Variants in ADAMTS9 observed in about 807,000 individuals in gnomAD.
ADAMTS9 encodes ADAM metallopeptidase with thrombospondin type 1 motif 9.
ADAMTS9 carries 107 observed loss-of-function variants against 257.1 expected under a neutral mutation model. The ratio of observed to expected loss-of-function variants is 0.42; its 90% CI spans 0.36 to 0.49. The LOEUF (loss-of-function observed/expected upper bound fraction) is 0.49. Ranked by LOEUF, ADAMTS9 falls within the 20% of genes least tolerant of loss-of-function variation. The pLI is 0.03. For synonymous variants in ADAMTS9, 982 were observed against 880.9 expected, an observed-to-expected ratio of 1.11 and a Z score of -2.03; for missense variants, 2,353 against 2,469.1, an observed-to-expected ratio of 0.95 and a Z score of 1.00.
At chr3:64,651,405 G>A (rs1360239986) in intron 8 of ADAMTS9, among the ~76,000 whole-genome samples, 1 of 152,132 alleles carries the variant, frequency 6.6e-6, no homozygotes, top group African/African-American at 2.4e-5. Flanking sequence ...AAAGATGCAG[G>A]CTGGCCCATG....
chr3:64,517,416 G>GTTTTTTTTTTTTTTTTTTTTC (rs2082790130), intron 39 of ADAMTS9, among the ~76,000 whole-genome samples: 1 of 52,638 alleles, frequency 1.9e-5, no homozygotes, highest in African/African-American at 5.3e-5. Context: ...ATTAAAAATG[G>GTTTTTTTTTTTTTTTTTTTTC]TTTTTTTTTT....
chr3:64,522,321 G>T, intron 38 of ADAMTS9, 61 bp from the exon 39 acceptor site: 1 of 1,478,858 alleles, frequency 6.8e-7, no homozygotes, highest in Non-Finnish European at 9.4e-7. Context: ...GGCCTGCACT[G>T]GCTTTTTGGG....
At chr3:64,642,486 C>T (rs986816659) in intron 11 of ADAMTS9, among the ~76,000 whole-genome samples, 10 of 124,840 alleles carry the variant, frequency 8.0e-5, no homozygotes, top group African/African-American at 3.4e-4. Flanking sequence ...TAAACACACT[C>T]CAGGAAAGCG....
At chr3:64,650,018 CAA>C in intron 9 of ADAMTS9, 1 of 429,748 alleles carries the variant, frequency 2.3e-6, no homozygotes, top group Non-Finnish European at 4.1e-6. Flanking sequence ...ACACCTGTTA[CAA>C]CGTTGATCAC....
chr3:64,573,027 A>G (rs2083733568), intron 28 of ADAMTS9, among the ~76,000 whole-genome samples: 2 of 150,338 alleles, frequency 1.3e-5, no homozygotes, highest in African/African-American at 2.5e-5. Flanking sequence ...GCAGTGAGTC[A>G]AGATCCTCCA....
intron 32 of ADAMTS9, among the ~76,000 whole-genome samples, chr3:64,543,629 G>C (rs181094148): frequency 2.0e-5 from 3 of 152,228 alleles, no homozygotes; most frequent in East Asian, 3.9e-4. Context: ...AAAATAATAA[G>C]AGCTATATAT....
At chr3:64,626,466 C>G (rs1172702060) in intron 16 of ADAMTS9, among the ~76,000 whole-genome samples, 1 of 152,180 alleles carries the variant, frequency 6.6e-6, no homozygotes, top group Non-Finnish European at 1.5e-5. Flanking sequence ...TTTTGTTAGT[C>G]TGCATGAGCC....
In ADAMTS9 at chr3:64,551,032, A is replaced by C. The variant is rs2083264714; in HGVS notation, c.4729T>G (p.Tyr1577Asp). 1 of 1,614,146 alleles carries C rather than the reference A, an allele frequency of 6.2e-7. No homozygotes were observed. The highest frequency in any genetic ancestry group is 1.3e-5 in the African/African-American group (1 of 75,048). Residue 1577 changes from tyrosine to aspartate, a missense_variant, in exon 31 of 40, where the codon TAC becomes GAC. By Grantham distance (160) the Tyr-to-Asp change is radical. Coordinates refer to ENST00000498707, the MANE Select transcript of ADAMTS9 (RefSeq NM_182920.2). ...CTKTCGEGSR[Y>D]RKVVCVDDNK... The stretch of plus-strand genomic sequence containing the variant: ...TCATCCACACACACCACCTTGCGGT[A>C]CCTGGAGCCTTCGCCGCAGGTCTTG...
At chr3:64,632,446 G>A (rs1213858440) in intron 14 of ADAMTS9, among the ~76,000 whole-genome samples, 1 of 152,160 alleles carries the variant, frequency 6.6e-6, no homozygotes. Flanking sequence ...TGGAAAAATT[G>A]ACTTTATGTA....
chr3:64,675,397 T>C (rs1331227563), intron 3 of ADAMTS9, among the ~76,000 whole-genome samples: 1 of 152,076 alleles, frequency 6.6e-6, no homozygotes, highest in African/African-American at 2.4e-5. Context: ...TAAAAAGGGG[T>C]TTGTAGGCCA....
At chr3:64,600,422 C>CA (rs1222676705) in intron 26 of ADAMTS9, among the ~76,000 whole-genome samples, 1 of 152,186 alleles carries the variant, frequency 6.6e-6, no homozygotes, top group Non-Finnish European at 1.5e-5. Context: ...CCCATCGCCA[C>CA]AAAAAGCTTA....
chr3:64,611,120 T>G (rs1332893668), intron 22 of ADAMTS9, among the ~76,000 whole-genome samples: 2 of 147,236 alleles, frequency 1.4e-5, no homozygotes, highest in Non-Finnish European at 3.0e-5. Context: ...AGAATTACGG[T>G]ATGATTCAGC....
intron 36 of ADAMTS9, among the ~76,000 whole-genome samples, chr3:64,540,413 A>G (rs1575994378): frequency 6.6e-6 from 1 of 152,204 alleles, no homozygotes; most frequent in Admixed American, 6.5e-5. Flanking sequence ...AATGTCCCCA[A>G]CAGAGATGCA....
At chr3:64,684,212 G>A (rs1239348593) in intron 2 of ADAMTS9, among the ~76,000 whole-genome samples, 1 of 152,174 alleles carries the variant, frequency 6.6e-6, no homozygotes, top group East Asian at 1.9e-4. Context: ...GCCAAATGGA[G>A]TTAGCGATCG....
Position 64,655,783 on chromosome 3 carries a change from C to T in ADAMTS9, c.1053+9G>A, listed in dbSNP as rs762921062. On this transcript the variant is annotated intron_variant, in intron 5 of 39. Coordinates refer to ENST00000498707, the MANE Select transcript of ADAMTS9 (RefSeq NM_182920.2). ...ACAGATAGAAGAAAAAAGAAAAAAA[C>T]TTTATTACCTGTTCATTATGAATCA... is the stretch of plus-strand genomic sequence containing the variant. 1 of 1,569,004 alleles carries T rather than the reference C, an allele frequency of 6.4e-7. No homozygotes were observed. Among genetic ancestry groups the T allele is most frequent in the Admixed American group, 2.0e-5 (1 of 50,958 alleles).
chr3:64,621,449 T>C (rs550749777), intron 18 of ADAMTS9, among the ~76,000 whole-genome samples: 1 of 152,248 alleles, frequency 6.6e-6, no homozygotes, highest in African/African-American at 2.4e-5. Flanking sequence ...ATGACTGTGT[T>C]CCAATAAAAC....
At chr3:64,633,190 G>A (rs560051964) in intron 14 of ADAMTS9, among the ~76,000 whole-genome samples, 1 of 152,290 alleles carries the variant, frequency 6.6e-6, no homozygotes, top group South Asian at 2.1e-4. Flanking sequence ...GAGTGTGGGT[G>A]TAAATTGTTA....
chr3:64,522,231 A>C lies in ADAMTS9; in HGVS notation c.5748T>G (p.Gly1916=). The change falls in exon 39 of 40, where the codon GGT becomes GGG. Residue 1916 remains glycine (G), a synonymous_variant. Coordinates refer to ENST00000498707, the MANE Select transcript of ADAMTS9 (RefSeq NM_182920.2). ...ATGGAGTGCATTTTCCACAGTAACC[A>C]CCGCATTTCCCTACGACTCGGGTAC... is the stretch of plus-strand genomic sequence containing the variant. ...PDGTRVVGKC[G]GYCGKCTPSS... is the part of the protein sequence containing the mutation. 1 of 1,613,992 alleles carries C rather than the reference A, an allele frequency of 6.2e-7. No homozygotes were observed. Among genetic ancestry groups the C allele is most frequent in the Non-Finnish European group, 8.5e-7 (1 of 1,179,944 alleles).
intron 18 of ADAMTS9, 26 bp downstream of exon 18, chr3:64,622,172 C>G (rs749470433): frequency 2.5e-6 from 4 of 1,576,810 alleles, no homozygotes; most frequent in South Asian, 1.2e-5. Flanking sequence ...TCTCAAATCC[C>G]CAGAACTCAA....
Sources: gnomAD v4.1 joint callset for allele counts (sites outside exome capture counted in the v4.1 genomes callset) on GRCh38, gnomAD v4.1.1 for gene constraint, MANE v1.5 for transcripts, NCBI Gene and HGNC (gene_info 2026-07-23, HGNC 2026-07-21) for gene names.